Variants in PXN observed in about 807,000 individuals in gnomAD.
PXN encodes paxillin.
PXN carries 61 observed loss-of-function variants against 103.6 expected under a neutral mutation model. The ratio of observed to expected loss-of-function variants is 0.59; its 90% CI spans 0.48 to 0.73. PXN has a LOEUF of 0.73. PXN is among the 30% of genes least tolerant of loss of function. The probability of loss-of-function intolerance (pLI) is 0.00; values close to 1 mark genes in which losing one functional copy is unlikely to be tolerated. For missense variants in PXN, 1,274 were observed against 1,460.3 expected, an observed-to-expected ratio of 0.87 and a Z score of 2.08; for synonymous variants, 562 against 607.8, an observed-to-expected ratio of 0.92 and a Z score of 1.11.
At chr12:120,243,999 C>T (rs1022585827) in intron 1 of PXN, among the ~76,000 whole-genome samples, 2 of 151,872 alleles carry the variant, frequency 1.3e-5, no homozygotes, top group African/African-American at 2.4e-5. Flanking sequence ...AAATGACCTG[C>T]GCCAAGTCAG....
Position 120,217,028 on chromosome 12 carries a change from G to C in PXN, c.1805C>G (p.Ala602Gly), listed in dbSNP as rs1474975089. 2 of 1,583,062 alleles carry C rather than the reference G, an allele frequency of 1.3e-6. No individual in the cohort carries two copies. The highest frequency in any genetic ancestry group is 1.7e-6 in the Non-Finnish European group (2 of 1,173,074). ...CTGGGATGGGGTCCTGCTCAAGGTG[G>C]CAGGGTCCAGCCGGCGGCGAGGGGA... is the stretch of plus-strand genomic sequence containing the variant. ...EPSPRRRLDP[A>G]TLSRTPSQEQ... The change falls in exon 8 of 15, where the codon GCC becomes GGC. Residue 602 changes from alanine (A) to glycine (G), a missense_variant. Around this residue, in one of 2 missense-constraint regions of PXN, gnomAD observed 1,178 missense variants for 1,309.0 expected, o/e 0.90. Transcript: ENST00000637617. This position sits in a 1 kb window ranked among gnomAD's most constrained non-coding sequence, Gnocchi z 4.1.
chr12:120,214,361 C>T lies in PXN; in HGVS notation c.2749-144G>A. 1.4e-6 allele frequency: 1 copy of T among 710,996 alleles called. No individual in the cohort carries two copies. Among genetic ancestry groups the T allele is most frequent in the East Asian group, 2.7e-5 (1 of 37,020 alleles). The allele number at this position is 710,996 out of a possible 1,614,324, so 44.0% of individuals were successfully genotyped here. ...AAGATGGGGGTCTCTCCTAATTGTG[C>T]TGTGAATGCCTCTAAGAATTCAGAG... On this transcript the variant is annotated intron_variant, in intron 12 of 14. Transcript: ENST00000637617. The surrounding 1 kb of genome is among the most constrained non-coding windows in gnomAD (Gnocchi z 5.0).
At chr12:120,258,019 C>G (rs1290754034) in intron 1 of PXN, among the ~76,000 whole-genome samples, 12 of 152,022 alleles carry the variant, frequency 7.9e-5, no homozygotes, top group Admixed American at 7.9e-4. Context: ...ATGGTGAAAC[C>G]CCATCTCTAC....
Position 120,213,698 on chromosome 12 carries a change from G to A in PXN, c.2979+144C>T. On this transcript the variant is annotated intron_variant, in intron 14 of 14. Coordinates refer to ENST00000637617, the MANE Select transcript of PXN (RefSeq NM_001385981.1). This position sits in a 1 kb window ranked among gnomAD's most constrained non-coding sequence, Gnocchi z 4.2. ...CCCTGGCCCAGGACCTACTGGACTGGAGGAAGGAGATCCCCTGCCTGCTCC... is the reference window on the plus strand; with the variant it reads ...CCCTGGCCCAGGACCTACTGGACTGAAGGAAGGAGATCCCCTGCCTGCTCC... 1 of 1,197,614 alleles carries A rather than the reference G, an allele frequency of 8.3e-7. No individual in the cohort carries two copies. The highest frequency in any genetic ancestry group is 1.2e-6 in the Non-Finnish European group (1 of 863,780). The allele number at this position is 1,197,614 out of a possible 1,614,324, so 74.2% of individuals were successfully genotyped here. A position where few individuals can be genotyped will look rare whatever the true frequency, so the allele number is the denominator to read the frequency against.
chr12:120,223,662 G>A, intron 3 of PXN, 56 bp downstream of exon 3: 1 of 1,382,748 alleles, frequency 7.2e-7, no homozygotes, highest in Non-Finnish European at 1.0e-6. Flanking sequence ...ACCCTGGCCA[G>A]GTCCCTGAGA....
chr12:120,241,885 C>T (rs1370006863), intron 1 of PXN, among the ~76,000 whole-genome samples: 1 of 152,150 alleles, frequency 6.6e-6, no homozygotes, highest in Non-Finnish European at 1.5e-5. Flanking sequence ...CAGAGGGAGG[C>T]AGGGCTCAAT....
At position 120,265,483 on chromosome 12, in the gene PXN, G is replaced by A. The variant is rs965953128; in HGVS notation, c.13+134C>T. The A allele has an allele frequency of 2.8e-6, 3 of 1,071,248 alleles. No homozygotes were observed. Among genetic ancestry groups the A allele is most frequent in the Admixed American group, 4.3e-5 (1 of 23,300 alleles). 66.4% of individuals were successfully genotyped at this position (1,071,248 alleles called of 1,614,324 possible). On this transcript the variant is annotated intron_variant, in intron 1 of 14. Transcript: ENST00000637617. The surrounding 1 kb of genome is among the most constrained non-coding windows in gnomAD (Gnocchi z 5.7). ...AGGGATCCCAGCCCCGCGGAGCCCCGGCCGGCAGGGACAGGAGCTGAGGCC... is the reference window on the plus strand; with the variant it reads ...AGGGATCCCAGCCCCGCGGAGCCCCAGCCGGCAGGGACAGGAGCTGAGGCC...
intron 1 of PXN, among the ~76,000 whole-genome samples, chr12:120,237,994 C>G (rs998109863): frequency 6.6e-6 from 1 of 152,162 alleles, no homozygotes; most frequent in Non-Finnish European, 1.5e-5. Flanking sequence ...AGGAGGAATG[C>G]CCCGGCCACT....
At position 120,219,970 on chromosome 12, in the gene PXN, A is replaced by G. The variant is rs1884596710; in HGVS notation, c.953T>C (p.Ile318Thr). 1.9e-6 allele frequency: 3 copies of G among 1,593,838 alleles called. No individual in the cohort carries two copies. Among genetic ancestry groups the G allele is most frequent in the African/African-American group, 1.3e-5 (1 of 74,786 alleles). Reference sequence around the variant, plus strand: ...GTGGCCCTGGCCTCGAGGGGAGGGTATAGTGGTGGGTGGCAGAAATACAGA... The same window carrying G: ...GTGGCCCTGGCCTCGAGGGGAGGGTGTAGTGGTGGGTGGCAGAAATACAGA... ...MPSVFLPPTT[I>T]PSPRGQGHTP... is the part of the protein sequence containing the mutation. Residue 318 changes from isoleucine (I) to threonine (T), a missense_variant, in exon 7 of 15, where the codon ATA (isoleucine) becomes ACA (threonine). By Grantham distance (89) the Ile-to-Thr change is moderately conservative. Transcript: ENST00000637617. The surrounding 1 kb of genome is among the most constrained non-coding windows in gnomAD (Gnocchi z 6.5).
In PXN at chr12:120,223,830, G is replaced by T; in HGVS notation, c.244C>A (p.Gln82Lys). Reference protein sequence around the residue: ...SSSRFIHQQPQSSSPVYGSSA... With the variant: ...SSSRFIHQQPKSSSPVYGSSA... ...GAGCCGTACACAGGTGATGAGGACTGAGGCTGCGAGAAGGAGAATGCTCAG... is the reference window on the plus strand; with the variant it reads ...GAGCCGTACACAGGTGATGAGGACTTAGGCTGCGAGAAGGAGAATGCTCAG... The change falls in exon 3 of 15, where the codon CAG becomes AAG. Residue 82 changes from glutamine (Q) to lysine (K), a missense_variant. By Grantham distance (53) the Gln-to-Lys change is moderately conservative. Transcript: ENST00000637617. The T allele has an allele frequency of 6.3e-7, 1 of 1,592,042 alleles. No homozygotes were observed. Among genetic ancestry groups the T allele is most frequent in the South Asian group, 1.1e-5 (1 of 88,328 alleles).
At chr12:120,261,703 G>A (rs190241937) in intron 1 of PXN, among the ~76,000 whole-genome samples, 9 of 152,274 alleles carry the variant, frequency 5.9e-5, no homozygotes, top group Admixed American at 5.2e-4. Flanking sequence ...CTCCAGCCAA[G>A]GGTACACCCA....
intron 1 of PXN, among the ~76,000 whole-genome samples, chr12:120,263,350 G>A (rs576151341): frequency 6.6e-6 from 1 of 152,334 alleles, no homozygotes; most frequent in East Asian, 1.9e-4. Context: ...TGGGAGCTCA[G>A]GCCAAGGAAG....
Position 120,214,907 on chromosome 12 carries a change from C to T in PXN, c.2666G>A (p.Arg889Gln), listed in dbSNP as rs868060425. Residue 889 changes from arginine to glutamine, a missense_variant, in exon 12 of 15, where the codon CGG becomes CAG. Coordinates refer to ENST00000637617, the MANE Select transcript of PXN (RefSeq NM_001385981.1). This position sits in a 1 kb window ranked among gnomAD's most constrained non-coding sequence, Gnocchi z 5.0. Reference sequence around the variant, plus strand: ...CTTTTCACAGTAGGGCTGTCCATCCCGCTCGAAGAAGTTCCGGGATCCGAT... The same window carrying T: ...CTTTTCACAGTAGGGCTGTCCATCCTGCTCGAAGAAGTTCCGGGATCCGAT... Reference protein sequence around the residue: ...EEIGSRNFFERDGQPYCEKDY... With the variant: ...EEIGSRNFFEQDGQPYCEKDY... The T allele has an allele frequency of 1.2e-5, 19 of 1,613,908 alleles. No individual in the cohort carries two copies. Among genetic ancestry groups the T allele is most frequent in the East Asian group, 4.5e-5 (2 of 44,900 alleles).
In PXN at chr12:120,214,357, T is replaced by G. The variant is rs1190070641; in HGVS notation, c.2749-140A>C. 1 of 737,440 alleles carries G rather than the reference T, an allele frequency of 1.4e-6. No individual in the cohort carries two copies. The highest frequency in any genetic ancestry group is 1.7e-5 in the African/African-American group (1 of 57,410). The allele number at this position is 737,440 out of a possible 1,614,324, so 45.7% of individuals were successfully genotyped here. On this transcript the variant is annotated intron_variant, in intron 12 of 14. Transcript: ENST00000637617. The surrounding 1 kb of genome is among the most constrained non-coding windows in gnomAD (Gnocchi z 5.0). Reference sequence around the variant, plus strand: ...TCCCAAGATGGGGGTCTCTCCTAATTGTGCTGTGAATGCCTCTAAGAATTC... The same window carrying G: ...TCCCAAGATGGGGGTCTCTCCTAATGGTGCTGTGAATGCCTCTAAGAATTC...
At chr12:120,248,788 G>A (rs1342566306) in intron 1 of PXN, 5 of 152,174 alleles carry the variant, frequency 3.3e-5, no homozygotes, top group Non-Finnish European at 5.9e-5. Context: ...ATAAGGGAAC[G>A]TAAGGGAGGT....
chr12:120,232,688 C>A (rs1888295941), intron 1 of PXN, among the ~76,000 whole-genome samples: 1 of 152,174 alleles, frequency 6.6e-6, no homozygotes, highest in African/African-American at 2.4e-5. Flanking sequence ...TTGGGCCTCT[C>A]ACCCCTGCTA....
chr12:120,242,458 T>C (rs1890319840), intron 1 of PXN, among the ~76,000 whole-genome samples: 1 of 152,044 alleles, frequency 6.6e-6, no homozygotes, highest in Non-Finnish European at 1.5e-5. Context: ...TCCTGCCACA[T>C]GAGCATGCGG....
Position 120,213,691 on chromosome 12 carries a change from T to C in PXN, c.2979+151A>G. ...GTACAAACCCTGGCCCAGGACCTAC[T>C]GGACTGGAGGAAGGAGATCCCCTGC... On this transcript the variant is annotated intron_variant, in intron 14 of 14. Coordinates refer to ENST00000637617, the MANE Select transcript of PXN (RefSeq NM_001385981.1). The surrounding 1 kb of genome is among the most constrained non-coding windows in gnomAD (Gnocchi z 4.2). 3 of 1,142,620 alleles carry C rather than the reference T, an allele frequency of 2.6e-6. No individual in the cohort carries two copies. Among genetic ancestry groups the C allele is most frequent in the Non-Finnish European group, 3.7e-6 (3 of 818,720 alleles). 70.8% of individuals were successfully genotyped at this position (1,142,620 alleles called of 1,614,324 possible).
At position 120,215,415 on chromosome 12, in the gene PXN, G is replaced by T. The variant is rs776554564; in HGVS notation, c.2404-142C>A. 1.4e-6 allele frequency: 2 copies of T among 1,450,650 alleles called. No individual in the cohort carries two copies. The highest frequency in any genetic ancestry group is 2.6e-5 in the Admixed American group (1 of 38,060). The allele number at this position is 1,450,650 out of a possible 1,614,324, so 89.9% of individuals were successfully genotyped here. ...GTACAACCTCCTCCAGGGGCCAGGAGCCCTAAAGTGGGAGTGACGTCAGCA... is the reference window on the plus strand; with the variant it reads ...GTACAACCTCCTCCAGGGGCCAGGATCCCTAAAGTGGGAGTGACGTCAGCA... On this transcript the variant is annotated intron_variant, in intron 10 of 14. Transcript: ENST00000637617. This position sits in a 1 kb window ranked among gnomAD's most constrained non-coding sequence, Gnocchi z 4.9.
Sources: allele counts gnomAD v4.1 joint callset (sites outside exome capture counted in the v4.1 genomes callset), GRCh38; gene constraint gnomAD v4.1.1; regional missense constraint gnomAD v4.1.1; non-coding constraint Gnocchi (gnomAD v3.1); transcripts MANE v1.5; gene names NCBI Gene and HGNC (gene_info 2026-07-23, HGNC 2026-07-21).